Variants in ITGB5 observed in about 807,000 individuals in gnomAD.
The protein encoded by ITGB5 is integrin subunit beta 5.
A neutral mutation model predicts 84.8 loss-of-function variants in ITGB5; 38 were observed. The observed-to-expected ratio is 0.45, with a 90% confidence interval of 0.35 to 0.59. ITGB5 has a LOEUF of 0.59. Ranked by LOEUF, ITGB5 falls within the 20% of genes least tolerant of loss-of-function variation. The pLI, the probability that ITGB5 is intolerant of heterozygous loss-of-function variation, is 0.01. For missense variants in ITGB5, 905 were observed against 1,034.5 expected, an observed-to-expected ratio of 0.87 and a Z score of 1.72; for synonymous variants, 393 against 414.4, an observed-to-expected ratio of 0.95 and a Z score of 0.63.
intron 4 of ITGB5, among the ~76,000 whole-genome samples, chr3:124,842,360 T>C (rs1162673681): frequency 6.6e-6 from 1 of 152,184 alleles, no homozygotes; most frequent in Non-Finnish European, 1.5e-5. Flanking sequence ...CTGAAGGGAG[T>C]TACTTTCCAT....
At chr3:124,867,381 G>C (rs1449717726) in intron 2 of ITGB5, among the ~76,000 whole-genome samples, 1 of 152,124 alleles carries the variant, frequency 6.6e-6, no homozygotes, top group East Asian at 1.9e-4. Context: ...ACCATTTCAC[G>C]GAGCCTCGTA....
At chr3:124,826,264 T>C (rs1054232375) in intron 5 of ITGB5, among the ~76,000 whole-genome samples, 10 of 152,154 alleles carry the variant, frequency 6.6e-5, no homozygotes, top group Non-Finnish European at 1.3e-4. Context: ...ACTTCTTCAG[T>C]CTCCAGTTCC....
At chr3:124,874,760 C>T (rs1934230144) in intron 1 of ITGB5, among the ~76,000 whole-genome samples, 1 of 152,170 alleles carries the variant, frequency 6.6e-6, no homozygotes, top group Admixed American at 6.5e-5. Flanking sequence ...GGGGAAAGGC[C>T]AGTCTGTTCA....
chr3:124,771,340 G>A (rs2063840643), intron 11 of ITGB5, among the ~76,000 whole-genome samples: 1 of 152,022 alleles, frequency 6.6e-6, no homozygotes, highest in Admixed American at 6.5e-5. Flanking sequence ...GCAGCAAGTA[G>A]AAAAAACAGA....
intron 2 of ITGB5, among the ~76,000 whole-genome samples, chr3:124,866,006 T>C (rs1228787896): frequency 6.6e-6 from 1 of 152,062 alleles, no homozygotes; most frequent in Non-Finnish European, 1.5e-5. Context: ...TTTTGTTTGT[T>C]TGTTTTTGAG....
intron 1 of ITGB5, among the ~76,000 whole-genome samples, chr3:124,885,945 G>A (rs1015041977): frequency 6.6e-6 from 1 of 152,204 alleles, no homozygotes; most frequent in African/African-American, 2.4e-5. Context: ...TGGCTCACAA[G>A]AGCAATCAAG....
intron 10 of ITGB5, among the ~76,000 whole-genome samples, chr3:124,780,522 C>G (rs2063988204): frequency 1.3e-5 from 2 of 152,242 alleles, no homozygotes; most frequent in African/African-American, 4.8e-5. Context: ...ACAGCTCCAT[C>G]CCCTCCGGGA....
At chr3:124,779,774 G>A (rs2063976384) in intron 10 of ITGB5, among the ~76,000 whole-genome samples, 2 of 152,176 alleles carry the variant, frequency 1.3e-5, no homozygotes, top group South Asian at 4.1e-4. Context: ...ACTTAGAATA[G>A]TGTTGGCTCA....
intron 13 of ITGB5, 76 bp from the exon 14 acceptor site, chr3:124,764,633 G>A: frequency 1.4e-6 from 2 of 1,465,896 alleles, no homozygotes; most frequent in Non-Finnish European, 9.3e-7. Context: ...AGGCATTTCT[G>A]AGATGAAAGT....
upstream of ITGB5, among the ~76,000 whole-genome samples, chr3:124,892,528 A>T (rs1200205510): frequency 5.5e-5 from 3 of 54,774 alleles, no homozygotes; most frequent in Non-Finnish European, 8.6e-5. Context: ...CATCTCTATT[A>T]AAAAAAAAAA....
intron 3 of ITGB5, among the ~76,000 whole-genome samples, chr3:124,851,396 G>A (rs947961460): frequency 2.0e-5 from 3 of 152,160 alleles, no homozygotes; most frequent in African/African-American, 7.2e-5. Context: ...AATTTCCTGT[G>A]AGGATAAAAA....
intron 2 of ITGB5, 118 bp downstream of exon 2, chr3:124,873,328 C>G (rs1579326298): frequency 1.3e-6 from 1 of 773,698 alleles, no homozygotes; most frequent in East Asian, 2.5e-5. Flanking sequence ...AGGCAGCTTA[C>G]AGAATCTGCA....
intron 8 of ITGB5, among the ~76,000 whole-genome samples, chr3:124,809,861 G>A (rs543019213): frequency 7.2e-5 from 11 of 152,172 alleles, no homozygotes; most frequent in Non-Finnish European, 1.5e-4. Context: ...AGAACATCAA[G>A]TGTTGGGAAA....
At chr3:124,895,061 T>A (rs1210298179) in intron 1 of ITGB5, among the ~76,000 whole-genome samples, 7 of 152,190 alleles carry the variant, frequency 4.6e-5, no homozygotes. Flanking sequence ...TACACAGATG[T>A]GGCTTGGGGA....
At chr3:124,850,979 G>A (rs1420839896) in intron 3 of ITGB5, among the ~76,000 whole-genome samples, 1 of 152,230 alleles carries the variant, frequency 6.6e-6, no homozygotes, top group Non-Finnish European at 1.5e-5. Flanking sequence ...TCTGCCTGAT[G>A]CCATGATCTT....
chr3:124,864,096 CTTTTT>C (rs558311822), intron 2 of ITGB5, among the ~76,000 whole-genome samples: 32 of 45,518 alleles, frequency 7.0e-4, no homozygotes, highest in Non-Finnish European at 1.2e-3. Flanking sequence ...ACCTATATTT[CTTTTT>C]TTTTTTTTTT....
At chr3:124,891,097 CG>C (rs1180339382), upstream of ITGB5, among the ~76,000 whole-genome samples, 1 of 152,112 alleles carries the variant, frequency 6.6e-6, no homozygotes, top group Non-Finnish European at 1.5e-5. Flanking sequence ...AGTTTGACGA[CG>C]GGGTTTGAGC....
chr3:124,877,225 T>C (rs959888008), intron 1 of ITGB5, among the ~76,000 whole-genome samples: 20 of 151,016 alleles, frequency 1.3e-4, no homozygotes, highest in South Asian at 2.1e-4. Context: ...GTGATCCTCC[T>C]GCCTGGGCCT....
intron 2 of ITGB5, 33 bp from the exon 3 acceptor site, chr3:124,859,479 G>A (rs372618773): frequency 6.4e-7 from 1 of 1,574,744 alleles, no homozygotes; most frequent in African/African-American, 1.4e-5. Context: ...AGAGCAGGAG[G>A]TGGTCAGGGT....
Sources: gnomAD v4.1 joint callset for allele counts (sites outside exome capture counted in the v4.1 genomes callset) on GRCh38, gnomAD v4.1.1 for gene constraint, MANE v1.5 for transcripts, NCBI Gene and HGNC (gene_info 2026-07-23, HGNC 2026-07-21) for gene names.